Variants in ZDHHC13 observed in about 807,000 individuals in gnomAD.
The protein encoded by ZDHHC13 is zDHHC palmitoyltransferase 13.
ZDHHC13 carries 85 observed loss-of-function variants against 86.0 expected under a neutral mutation model. That is an observed-to-expected ratio of 0.99 (90% CI 0.83 to 1.18). ZDHHC13 has a LOEUF of 1.18. Among genes scored for constraint, ZDHHC13 ranks in the 50% most tolerant of loss-of-function variants. ZDHHC13 has a pLI of 0.00. For missense variants in ZDHHC13, 711 were observed against 730.2 expected (o/e 0.97, Z 0.30); for synonymous variants, 263 against 246.4 (o/e 1.07, Z -0.63).
At chr11:19,168,856 C>T in intron 14 of ZDHHC13, 1 of 985,396 alleles carries the variant, frequency 1.0e-6, no homozygotes, top group African/African-American at 1.7e-5. Context: ...TAAGTGACTC[C>T]AAAAGTGTCA....
Position 19,152,293 on chromosome 11 carries a change from T to A in ZDHHC13, c.720T>A (p.Gly240=). ...VNAVDKLLEA[G]SSLDIQNVKG... Reference sequence around the variant, plus strand: ...CAGTTGATAAGCTTTTGGAAGCTGGTTCTAGCCTGGATATCCAGAATGTTA... The same window carrying A: ...CAGTTGATAAGCTTTTGGAAGCTGGATCTAGCCTGGATATCCAGAATGTTA... Residue 240 remains glycine (G), a synonymous_variant, in exon 7 of 17, where the codon GGT becomes GGA. Transcript: ENST00000446113. 6.2e-7 allele frequency: 1 copy of A among 1,613,292 alleles called. No homozygotes were observed. The highest frequency in any genetic ancestry group is 8.5e-7 in the Non-Finnish European group (1 of 1,179,432).
chr11:19,148,298 A>G (rs1373078445), intron 4 of ZDHHC13, among the ~76,000 whole-genome samples: 2 of 152,018 alleles, frequency 1.3e-5, no homozygotes. Flanking sequence ...ACTGAAGTGA[A>G]TAATTGTTCA....
chr11:19,120,810 A>G (rs1371243672), intron 1 of ZDHHC13, among the ~76,000 whole-genome samples: 1 of 152,120 alleles, frequency 6.6e-6, no homozygotes, highest in Non-Finnish European at 1.5e-5. Flanking sequence ...AAACCATTTT[A>G]TTCTAGTATC....
intron 15 of ZDHHC13, among the ~76,000 whole-genome samples, chr11:19,171,516 G>A (rs1470378421): frequency 1.3e-5 from 2 of 152,188 alleles, no homozygotes; most frequent in Admixed American, 1.3e-4. Flanking sequence ...GGATGAAACT[G>A]AGTTAATAAT....
rs919444667 is a variant in ZDHHC13 at position 19,175,705 on chromosome 11, C to T, written c.1731-117C>T. 2.5e-6 allele frequency: 3 copies of T among 1,203,758 alleles called. No individual in the cohort carries two copies. The African/African-American group carries it at 4.7e-5, about 19-fold the overall frequency. The allele number at this position is 1,203,758 out of a possible 1,614,324, so 74.6% of individuals were successfully genotyped here. On this transcript the variant is annotated intron_variant, in intron 16 of 16. Transcript: ENST00000446113. ...GAACTATCTGATCTACCCCATCTAC[C>T]CCTGGATTTCTGCAAGATGTTCAAA...
chr11:19,147,319 T>C (rs966324839), intron 3 of ZDHHC13, among the ~76,000 whole-genome samples: 1 of 152,166 alleles, frequency 6.6e-6, no homozygotes, highest in Non-Finnish European at 1.5e-5. Context: ...AGTTAGACTA[T>C]GCAGAGAGTA....
At chr11:19,160,759 G>A (rs932120262) in intron 10 of ZDHHC13, among the ~76,000 whole-genome samples, 1 of 151,860 alleles carries the variant, frequency 6.6e-6, no homozygotes, top group Non-Finnish European at 1.5e-5. Context: ...CCCTAAGCTG[G>A]ACTTGGTCCT....
intron 1 of ZDHHC13, among the ~76,000 whole-genome samples, chr11:19,138,654 A>C (rs1234792082): frequency 6.7e-6 from 1 of 149,810 alleles, no homozygotes; most frequent in Non-Finnish European, 1.5e-5. Flanking sequence ...CATTGATGCA[A>C]AAATCCTCAA....
chr11:19,124,277 A>G (rs1476595864), intron 1 of ZDHHC13, among the ~76,000 whole-genome samples: 1 of 152,170 alleles, frequency 6.6e-6, no homozygotes, highest in Non-Finnish European at 1.5e-5. Context: ...TTCAATAAGT[A>G]TAAGAAGAAA....
Position 19,117,384 on chromosome 11 carries a change from C to G in ZDHHC13, c.27+108C>G, listed in dbSNP as rs532194866. The G allele has an allele frequency of 1.7e-6, 2 of 1,173,178 alleles. No individual in the cohort carries two copies. The highest frequency in any genetic ancestry group is 2.3e-6 in the Non-Finnish European group (2 of 884,384). 72.7% of individuals were successfully genotyped at this position (1,173,178 alleles called of 1,614,324 possible). ...CCGCTCGATGAGGGGGTTTCGGGAGCGGCGGGGCCTAGGTCTGGGAAGCGG... is the reference window on the plus strand; with the variant it reads ...CCGCTCGATGAGGGGGTTTCGGGAGGGGCGGGGCCTAGGTCTGGGAAGCGG... On this transcript the variant is annotated intron_variant, in intron 1 of 16. Transcript: ENST00000446113. This position sits in a 1 kb window ranked among gnomAD's most constrained non-coding sequence, Gnocchi z 4.2.
At chr11:19,150,199 A>C (rs746100902) in intron 5 of ZDHHC13, among the ~76,000 whole-genome samples, 1 of 152,160 alleles carries the variant, frequency 6.6e-6, no homozygotes, top group Non-Finnish European at 1.5e-5. Context: ...ATCCTCATGG[A>C]AATATGATTT....
chr11:19,119,577 C>T (rs192655582), intron 1 of ZDHHC13, among the ~76,000 whole-genome samples: 3 of 152,314 alleles, frequency 2.0e-5, no homozygotes, highest in Admixed American at 6.5e-5. Context: ...CTGTGACCCC[C>T]GTATTTAAAA....
intron 2 of ZDHHC13, among the ~76,000 whole-genome samples, chr11:19,143,770 A>G (rs756181720): frequency 6.6e-6 from 1 of 152,220 alleles, no homozygotes; most frequent in Non-Finnish European, 1.5e-5. Context: ...AATTATTTCC[A>G]ACATTTTCAC....
intron 1 of ZDHHC13, among the ~76,000 whole-genome samples, chr11:19,135,214 C>T (rs1001623859): frequency 7.9e-5 from 12 of 152,202 alleles, no homozygotes; most frequent in East Asian, 1.9e-4. Context: ...AGTGGGTGCA[C>T]GCACGGTGTG....
At chr11:19,132,554 T>G (rs1476012351) in intron 1 of ZDHHC13, among the ~76,000 whole-genome samples, 1 of 152,152 alleles carries the variant, frequency 6.6e-6, no homozygotes, top group Non-Finnish European at 1.5e-5. Context: ...CTGTACAGAT[T>G]TTTTGGAGCC....
At chr11:19,169,961 A>T in intron 14 of ZDHHC13, 1 of 995,762 alleles carries the variant, frequency 1.0e-6, no homozygotes, top group Non-Finnish European at 1.2e-6. Context: ...TTCTGATGAT[A>T]TCTAGGTGCT....
At chr11:19,154,562 C>T (rs1299938390) in intron 8 of ZDHHC13, among the ~76,000 whole-genome samples, 1 of 152,188 alleles carries the variant, frequency 6.6e-6, no homozygotes, top group Non-Finnish European at 1.5e-5. Flanking sequence ...TTAAAGACTG[C>T]ATTGCACAAA....
intron 1 of ZDHHC13, among the ~76,000 whole-genome samples, chr11:19,133,630 CAA>C (rs1849052985): frequency 6.6e-6 from 1 of 151,754 alleles, no homozygotes; most frequent in South Asian, 2.1e-4. Flanking sequence ...TTAAGCAAAA[CAA>C]ATGATAGAGA....
At chr11:19,129,762 C>T (rs1019548632) in intron 1 of ZDHHC13, among the ~76,000 whole-genome samples, 3 of 152,010 alleles carry the variant, frequency 2.0e-5, no homozygotes, top group Non-Finnish European at 4.4e-5. Context: ...CTTGTAATGT[C>T]TTTGTTGGTT....
Sources: gnomAD v4.1 joint callset for allele counts (sites outside exome capture counted in the v4.1 genomes callset) on GRCh38, gnomAD v4.1.1 for gene constraint, Gnocchi (gnomAD v3.1) non-coding constraint, MANE v1.5 for transcripts, NCBI Gene and HGNC (gene_info 2026-07-23, HGNC 2026-07-21) for gene names.